Variants in ACSL1 observed in about 807,000 individuals in gnomAD.
ACSL1 encodes long-chain-fatty-acid--CoA ligase 1.
Under a neutral mutation model 98.4 loss-of-function variants are expected in ACSL1, and 41 were observed. The observed-to-expected ratio is 0.42, with a 90% CI of 0.32 to 0.54. The LOEUF (loss-of-function observed/expected upper bound fraction) is 0.54, where lower values mean the gene tolerates loss of function less well. Ranked by LOEUF, ACSL1 falls within the 20% of genes least tolerant of loss-of-function variation. The probability of loss-of-function intolerance (pLI) is 0.13; values close to 1 mark genes in which losing one functional copy is unlikely to be tolerated. For missense variants in ACSL1, 734 were observed against 883.1 expected (o/e 0.83, Z 2.14); for synonymous variants, 316 against 322.7 (o/e 0.98, Z 0.22).
At chr4:184,811,879 C>T (rs967669191) in intron 1 of ACSL1, among the ~76,000 whole-genome samples, 14 of 152,034 alleles carry the variant, frequency 9.2e-5, no homozygotes, top group Non-Finnish European at 1.2e-4. Flanking sequence ...TAAGTGGATA[C>T]AAATGGACAA....
At chr4:184,788,117 AC>A (rs2150377134) in intron 3 of ACSL1, among the ~76,000 whole-genome samples, 1 of 152,300 alleles carries the variant, frequency 6.6e-6, no homozygotes, top group African/African-American at 2.4e-5. Flanking sequence ...CCTGGGAGGG[AC>A]AGAGGCTGGA....
At chr4:184,811,385 T>C (rs1315326682) in intron 1 of ACSL1, among the ~76,000 whole-genome samples, 2 of 152,130 alleles carry the variant, frequency 1.3e-5, no homozygotes, top group South Asian at 4.1e-4. Context: ...GTGCTGGGAT[T>C]ACAGGTGTGA....
chr4:184,790,806 A>T (rs1768216099), intron 2 of ACSL1, among the ~76,000 whole-genome samples: 1 of 152,174 alleles, frequency 6.6e-6, no homozygotes, highest in African/African-American at 2.4e-5. Context: ...TGCTCTAACT[A>T]CAGTACAAGT....
intron 2 of ACSL1, among the ~76,000 whole-genome samples, chr4:184,792,916 T>G (rs1768648045): frequency 6.6e-6 from 1 of 152,184 alleles, no homozygotes; most frequent in Non-Finnish European, 1.5e-5. Context: ...GCTGGGGACT[T>G]AAATACTATA....
intron 18 of ACSL1, among the ~76,000 whole-genome samples, chr4:184,759,798 T>C (rs1286330001): frequency 2.0e-5 from 3 of 152,214 alleles, no homozygotes; most frequent in Admixed American, 2.0e-4. Flanking sequence ...GATCTAGAAC[T>C]AGAAATACCA....
Position 184,777,107 on chromosome 4 carries a change from A to G in ACSL1, c.478-124T>C, listed in dbSNP as rs928853465. Reference sequence around the variant, plus strand: ...ACGCAGCAAAATTAACATCTGTGTTAGCTACTACTCTGTGCCAGGTGCTAT... The same window carrying G: ...ACGCAGCAAAATTAACATCTGTGTTGGCTACTACTCTGTGCCAGGTGCTAT... On this transcript the variant is annotated intron_variant, in intron 5 of 20. Transcript: ENST00000281455. The G allele has an allele frequency of 9.9e-6, 8 of 805,036 alleles. No homozygotes were observed. The East Asian group carries it at 2.1e-4, about 21-fold the overall frequency. 49.9% of individuals were successfully genotyped at this position (805,036 alleles called of 1,614,324 possible).
chr4:184,790,196 C>A (rs2150385024), intron 2 of ACSL1, among the ~76,000 whole-genome samples: 1 of 152,282 alleles, frequency 6.6e-6, no homozygotes. Context: ...GATCTGTTTC[C>A]ATGGACTCTT....
At chr4:184,778,841 G>C (rs1441540844) in intron 5 of ACSL1, among the ~76,000 whole-genome samples, 1 of 151,698 alleles carries the variant, frequency 6.6e-6, no homozygotes, top group African/African-American at 2.4e-5. Context: ...CATTTGGGAT[G>C]AAAAAAACTA....
intron 11 of ACSL1, among the ~76,000 whole-genome samples, 180 bp from the exon 12 acceptor site, chr4:184,768,630 T>C (rs1763995297): frequency 6.6e-6 from 1 of 152,166 alleles, no homozygotes; most frequent in Non-Finnish European, 1.5e-5. Flanking sequence ...AACATGGAAA[T>C]GTGGTATTTC....
chr4:184,776,481 C>CA lies in ACSL1; in HGVS notation c.756+2dup. On this transcript the variant is annotated splice_region_variant and intron_variant, in intron 7 of 20. Coordinates refer to ENST00000281455, the MANE Select transcript of ACSL1 (RefSeq NM_001995.5). ...AGAGAAGGGAAGGAGGCAGGGCACT[C>CA]ACCTCCATCGCCTTCATGCTGGTGA... is the stretch of plus-strand genomic sequence containing the variant. The CA allele has an allele frequency of 6.2e-7, 1 of 1,610,270 alleles. No individual in the cohort carries two copies. Among genetic ancestry groups the CA allele is most frequent in the Non-Finnish European group, 8.5e-7 (1 of 1,178,460 alleles).
chr4:184,824,464 GA>G (rs1322331845), intron 1 of ACSL1, among the ~76,000 whole-genome samples: 1 of 152,118 alleles, frequency 6.6e-6, no homozygotes, highest in Non-Finnish European at 1.5e-5. Context: ...AGTAAATTCA[GA>G]AAACAGAAGT....
At chr4:184,813,863 G>A in intron 1 of ACSL1, 1 of 456,200 alleles carries the variant, frequency 2.2e-6, no homozygotes, top group South Asian at 1.5e-5. Flanking sequence ...GAGGGCCATG[G>A]ATGGAGAGGA....
rs1006482756 is a variant in ACSL1, at chr4:184,803,889, G to A, written c.-32-343C>T. Reference sequence around the variant, plus strand: ...TTTCTATTTTCTTCTTTGCTACTACGTCTCTGCTCTCGTCCATCCACCTAA... The same window carrying A: ...TTTCTATTTTCTTCTTTGCTACTACATCTCTGCTCTCGTCCATCCACCTAA... On this transcript the variant is annotated intron_variant, in intron 1 of 20. Transcript: ENST00000281455. The surrounding 1 kb of genome is among the most constrained non-coding windows in gnomAD (Gnocchi z 4.8). Among the ~76,000 whole-genome samples, 2 of 151,992 alleles carry A rather than the reference G, an allele frequency of 1.3e-5. No homozygotes were observed. Among genetic ancestry groups the A allele is most frequent in the East Asian group, 1.9e-4 (1 of 5,188 alleles).
chr4:184,790,015 C>A (rs1425549052), intron 2 of ACSL1, among the ~76,000 whole-genome samples: 1 of 151,806 alleles, frequency 6.6e-6, no homozygotes, highest in Non-Finnish European at 1.5e-5. Context: ...TGGAAGAGAT[C>A]GTTTCTGGCT....
intron 2 of ACSL1, among the ~76,000 whole-genome samples, chr4:184,802,759 C>T (rs1160282986): frequency 6.6e-6 from 1 of 152,210 alleles, no homozygotes; most frequent in African/African-American, 2.4e-5. Flanking sequence ...AACCACGGCG[C>T]TCAGCAGCCC....
chr4:184,789,513 TCTAA>T (rs1346105064), intron 2 of ACSL1, among the ~76,000 whole-genome samples: 2 of 152,276 alleles, frequency 1.3e-5, no homozygotes, highest in East Asian at 1.9e-4. Flanking sequence ...GCATAGCATC[TCTAA>T]CAGTTAAAAT....
At chr4:184,772,523 G>T (rs139576069) in intron 10 of ACSL1, among the ~76,000 whole-genome samples, 1 of 152,156 alleles carries the variant, frequency 6.6e-6, no homozygotes, top group African/African-American at 2.4e-5. Flanking sequence ...TTCTAAATTC[G>T]TATGTCAACA....
At position 184,773,407 on chromosome 4, in the gene ACSL1, T is replaced by C. The variant is rs1764797372; in HGVS notation, c.842-253A>G. ...GAAGAAAAACCAGAAATTTTCTTCC[T>C]GGGAGCCACCGATATAGTCTGTCCT... is the stretch of plus-strand genomic sequence containing the variant. On this transcript the variant is annotated intron_variant, in intron 9 of 20. Coordinates refer to ENST00000281455, the MANE Select transcript of ACSL1 (RefSeq NM_001995.5). This position sits in a 1 kb window ranked among gnomAD's most constrained non-coding sequence, Gnocchi z 4.3. 6.6e-6 allele frequency among the ~76,000 whole-genome samples: 1 copy of C among 152,226 alleles called. No homozygotes were observed. Among genetic ancestry groups the C allele is most frequent in the Admixed American group, 6.5e-5 (1 of 15,290 alleles).
chr4:184,770,259 A>C (rs528702077), intron 11 of ACSL1, 140 bp downstream of exon 11: 1 of 1,542,446 alleles, frequency 6.5e-7, no homozygotes, highest in East Asian at 2.4e-5. Flanking sequence ...ACTTACCTTC[A>C]ATAACTGTTC....
Sources: gnomAD v4.1 joint callset for allele counts (sites outside exome capture counted in the v4.1 genomes callset) on GRCh38, gnomAD v4.1.1 for gene constraint, Gnocchi (gnomAD v3.1) non-coding constraint, MANE v1.5 for transcripts, NCBI Gene and HGNC (gene_info 2026-07-23, HGNC 2026-07-21) for gene names.